TMTC1: variants seen among roughly 807,000 people sequenced by gnomAD.
TMTC1 encodes the protein protein O-mannosyl-transferase TMTC1.
Under a neutral mutation model 104.8 loss-of-function variants are expected in TMTC1, and 73 were observed. That is an observed-to-expected ratio of 0.70 (90% CI 0.58 to 0.85). The LOEUF (loss-of-function observed/expected upper bound fraction) is 0.85. Ranked by LOEUF, TMTC1 falls within the 40% of genes least tolerant of loss-of-function variation. TMTC1 has a pLI of 0.00. For synonymous variants in TMTC1, 434 were observed against 428.7 expected, an observed-to-expected ratio of 1.01 and a Z score of -0.15; for missense variants, 1,035 against 1,096.1, an observed-to-expected ratio of 0.94 and a Z score of 0.79.
At chr12:29,778,167 T>C (rs1010665396) in intron 1 of TMTC1, among the ~76,000 whole-genome samples, 1 of 152,186 alleles carries the variant, frequency 6.6e-6, no homozygotes, top group Non-Finnish European at 1.5e-5. Context: ...AAGCTCTTAA[T>C]AAAATAAAGC....
chr12:29,738,529 A>G (rs1043351082), intron 5 of TMTC1, among the ~76,000 whole-genome samples: 1 of 152,232 alleles, frequency 6.6e-6, no homozygotes, highest in African/African-American at 2.4e-5. Flanking sequence ...AGAGCTTCCA[A>G]TTGATCAAGC....
chr12:29,553,068 A>G (rs1945147718), intron 10 of TMTC1, among the ~76,000 whole-genome samples: 1 of 152,198 alleles, frequency 6.6e-6, no homozygotes, highest in Non-Finnish European at 1.5e-5. Flanking sequence ...TTTCTTTAAG[A>G]GAGATGCAGG....
chr12:29,608,324 C>T (rs902687357), intron 6 of TMTC1, among the ~76,000 whole-genome samples: 4 of 152,090 alleles, frequency 2.6e-5, no homozygotes, highest in African/African-American at 9.7e-5. Context: ...TTCAATAATA[C>T]CCTAACAAAA....
intron 5 of TMTC1, among the ~76,000 whole-genome samples, chr12:29,664,177 A>T (rs1316443175): frequency 1.3e-5 from 2 of 151,048 alleles, no homozygotes; most frequent in African/African-American, 4.9e-5. Flanking sequence ...ACAGAGCGAG[A>T]CTCCGTCTCA....
intron 5 of TMTC1, among the ~76,000 whole-genome samples, chr12:29,748,815 T>C (rs1165556149): frequency 6.6e-6 from 1 of 152,226 alleles, no homozygotes; most frequent in East Asian, 1.9e-4. Flanking sequence ...AGTCGCTTAC[T>C]TAAAAAACAG....
chr12:29,691,392 CA>C (rs1280266530), intron 5 of TMTC1, among the ~76,000 whole-genome samples: 1 of 152,170 alleles, frequency 6.6e-6, no homozygotes, highest in African/African-American at 2.4e-5. Context: ...CCCTACCCGC[CA>C]GATTATCCTT....
intron 5 of TMTC1, among the ~76,000 whole-genome samples, chr12:29,667,721 TG>T (rs1940339035): frequency 6.6e-6 from 1 of 152,220 alleles, no homozygotes; most frequent in African/African-American, 2.4e-5. Context: ...TTAATTTAGT[TG>T]GAGGCCCTAG....
chr12:29,759,472 G>A (rs1441617937), intron 2 of TMTC1, among the ~76,000 whole-genome samples: 2 of 152,074 alleles, frequency 1.3e-5, no homozygotes, highest in African/African-American at 4.8e-5. Flanking sequence ...ACTCAGCCTG[G>A]GTGACAGAGT....
chr12:29,753,141 C>G (rs184945038), intron 4 of TMTC1, among the ~76,000 whole-genome samples: 1 of 152,086 alleles, frequency 6.6e-6, no homozygotes, highest in African/African-American at 2.4e-5. Context: ...CTGAATCATA[C>G]GATGAAAGAT....
In TMTC1 at chr12:29,518,614, C is replaced by A; in HGVS notation, c.1889-7G>T. ...ACTGCCTTTTCTGGTAAGCCTGTAA[C>A]CAGTGACAGGTTGGTAAGAGCAGAA... On this transcript the variant is annotated splice_polypyrimidine_tract_variant and splice_region_variant and intron_variant, in intron 12 of 17. Transcript: ENST00000539277. The A allele has an allele frequency of 6.2e-7, 1 of 1,613,844 alleles. No homozygotes were observed. Among genetic ancestry groups the A allele is most frequent in the Non-Finnish European group, 8.5e-7 (1 of 1,179,812 alleles).
chr12:29,617,353 T>G (rs957674830), intron 6 of TMTC1, among the ~76,000 whole-genome samples: 12 of 152,160 alleles, frequency 7.9e-5, no homozygotes, highest in African/African-American at 2.9e-4. Flanking sequence ...AACCTGGTCA[T>G]TGATTATTCA....
In TMTC1 at chr12:29,516,495, C is replaced by A. The variant is rs2136146440; in HGVS notation, c.2170-9G>T. 2 of 1,611,610 alleles carry A rather than the reference C, an allele frequency of 1.2e-6. No homozygotes were observed. The highest frequency in any genetic ancestry group is 1.7e-6 in the Non-Finnish European group (2 of 1,178,446). On this transcript the variant is annotated splice_polypyrimidine_tract_variant and intron_variant, in intron 14 of 17. Transcript: ENST00000539277. ...ACGGCCAAAACCTGAGCCTACAAAA[C>A]CACATGGACCTTGGCTTAGCAGAGA... is the stretch of plus-strand genomic sequence containing the variant.
rs1227121574 is a variant in TMTC1, at chr12:29,675,957, T to C, written c.939-42621A>G. Among the ~76,000 whole-genome samples, 6 of 152,352 alleles carry C rather than the reference T, an allele frequency of 3.9e-5. No individual in the cohort carries two copies. The South Asian group carries it at 1.0e-3, about 26-fold the overall frequency. On this transcript the variant is annotated intron_variant, in intron 5 of 17. Coordinates refer to ENST00000539277, the MANE Select transcript of TMTC1 (RefSeq NM_001193451.2). ...AATTATAATGACTTTGTTTAGTGGATGATAAAGCTGCCTGGTTGATTCTAA... is the reference window on the plus strand; with the variant it reads ...AATTATAATGACTTTGTTTAGTGGACGATAAAGCTGCCTGGTTGATTCTAA...
At chr12:29,609,045 T>A (rs1946775648) in intron 6 of TMTC1, among the ~76,000 whole-genome samples, 1 of 152,220 alleles carries the variant, frequency 6.6e-6, no homozygotes, top group Non-Finnish European at 1.5e-5. Context: ...ACACCGATGA[T>A]ACACACCGCA....
chr12:29,570,194 A>C (rs890560956), intron 9 of TMTC1, among the ~76,000 whole-genome samples: 3 of 152,020 alleles, frequency 2.0e-5, no homozygotes, highest in African/African-American at 4.8e-5. Context: ...TAATTATTAA[A>C]GCCCAAGTAT....
chr12:29,577,323 T>C (rs1042145733), intron 8 of TMTC1, among the ~76,000 whole-genome samples: 1 of 152,078 alleles, frequency 6.6e-6, no homozygotes, highest in Non-Finnish European at 1.5e-5. Context: ...ACTGGCTTCC[T>C]TGGGGGCTGA....
At chr12:29,728,703 A>C (rs185113615) in intron 5 of TMTC1, among the ~76,000 whole-genome samples, 2 of 152,104 alleles carry the variant, frequency 1.3e-5, no homozygotes, top group Non-Finnish European at 2.9e-5. Context: ...TGAAGGCTTA[A>C]AAAGCACTGC....
rs1938207218 is a variant in TMTC1 at position 29,629,863 on chromosome 12, C to G, written c.1128+3284G>C. Among the ~76,000 whole-genome samples the G allele has an allele frequency of 3.3e-5, 5 of 152,198 alleles. No homozygotes were observed. The South Asian group carries it at 1.0e-3, about 32-fold the overall frequency. On this transcript the variant is annotated intron_variant, in intron 6 of 17. Coordinates refer to ENST00000539277, the MANE Select transcript of TMTC1 (RefSeq NM_001193451.2). Reference sequence around the variant, plus strand: ...ATTTTAAAAAGATGTTTTAATCATTCAAATTTTTTTCATTCAATTTTCAGG... The same window carrying G: ...ATTTTAAAAAGATGTTTTAATCATTGAAATTTTTTTCATTCAATTTTCAGG...
At chr12:29,614,896 G>A (rs552649921) in intron 6 of TMTC1, among the ~76,000 whole-genome samples, 3 of 152,328 alleles carry the variant, frequency 2.0e-5, no homozygotes, top group South Asian at 2.1e-4. Context: ...CTCCCCAAGT[G>A]AAGACATTGT....
Sources: gnomAD v4.1 joint callset for allele counts (sites outside exome capture counted in the v4.1 genomes callset) on GRCh38, gnomAD v4.1.1 for gene constraint, MANE v1.5 for transcripts, NCBI Gene and HGNC (gene_info 2026-07-23, HGNC 2026-07-21) for gene names.